The following CAMK4 variants were observed in gnomAD, a reference collection of about 807,000 sequenced individuals.
CAMK4 encodes the protein calcium/calmodulin-dependent protein kinase type IV.
CAMK4 carries 22 observed loss-of-function variants against 44.9 expected under a neutral mutation model. The observed-to-expected ratio is 0.49, with a 90% CI of 0.35 to 0.70. The LOEUF is 0.70. Among genes scored for constraint, CAMK4 ranks in the 30% least tolerant of loss-of-function variants. The pLI, the probability that CAMK4 is intolerant of heterozygous loss-of-function variation, is 0.01. For synonymous variants in CAMK4, 218 were observed against 215.4 expected (o/e 1.01, Z -0.11); for missense variants, 498 against 586.8 (o/e 0.85, Z 1.56).
At chr5:111,433,379 A>G (rs1012377287) in intron 5 of CAMK4, among the ~76,000 whole-genome samples, 1 of 152,198 alleles carries the variant, frequency 6.6e-6, no homozygotes, top group African/African-American at 2.4e-5. Flanking sequence ...TGATGAAACT[A>G]TGTTGCCCAG....
chr5:111,329,196 C>G (rs1749042001), intron 1 of CAMK4, among the ~76,000 whole-genome samples: 1 of 151,924 alleles, frequency 6.6e-6, no homozygotes, highest in Non-Finnish European at 1.5e-5. Flanking sequence ...GCTAAAACCT[C>G]TCAATAAATT....
At chr5:111,395,211 CAA>C (rs1175802762) in intron 5 of CAMK4, among the ~76,000 whole-genome samples, 3 of 90,676 alleles carry the variant, frequency 3.3e-5, no homozygotes, top group Non-Finnish European at 6.7e-5. Context: ...GACCCTGTCT[CAA>C]AAAAAAAAAA....
At chr5:111,239,682 A>C (rs915893480) in intron 1 of CAMK4, among the ~76,000 whole-genome samples, 3 of 152,204 alleles carry the variant, frequency 2.0e-5, no homozygotes, top group Non-Finnish European at 2.9e-5. Context: ...ATAATGATTA[A>C]ATGAGGTCAG....
At chr5:111,299,083 C>T (rs903935821) in intron 1 of CAMK4, among the ~76,000 whole-genome samples, 1 of 152,232 alleles carries the variant, frequency 6.6e-6, no homozygotes, top group Non-Finnish European at 1.5e-5. Context: ...GCCCTATAGG[C>T]ACATGTCCCT....
Position 111,228,434 on chromosome 5 carries a change from C to T in CAMK4, c.161+3790C>T, listed in dbSNP as rs190912412. On this transcript the variant is annotated intron_variant, in intron 1 of 10. Transcript: ENST00000282356. ...TTTTAAATACATTTATTTGTCAACT[C>T]AATTAAACTAATTATATAGGATCCC... 4.6e-5 allele frequency among the ~76,000 whole-genome samples: 7 copies of T among 151,614 alleles called. No individual in the cohort carries two copies. In the East Asian group the frequency reaches 7.7e-4, roughly 17 times the overall value.
chr5:111,449,491 A>G (rs991529757), intron 7 of CAMK4: 3 of 220,792 alleles, frequency 1.4e-5, no homozygotes, highest in Non-Finnish European at 2.6e-5. Context: ...AGGGCAAGGA[A>G]ACACCATCGT....
At chr5:111,240,506 C>A (rs540224723) in intron 1 of CAMK4, among the ~76,000 whole-genome samples, 1 of 152,286 alleles carries the variant, frequency 6.6e-6, no homozygotes, top group African/African-American at 2.4e-5. Context: ...TCTTACATTT[C>A]TTTTATAGCT....
chr5:111,365,680 C>T (rs1161848746), intron 2 of CAMK4, among the ~76,000 whole-genome samples: 3 of 152,018 alleles, frequency 2.0e-5, no homozygotes, highest in Non-Finnish European at 1.5e-5. Context: ...GTCTATCCTG[C>T]TTCCAGGTCT....
At chr5:111,480,750 A>G (rs773793697) in intron 9 of CAMK4, among the ~76,000 whole-genome samples, 3 of 152,296 alleles carry the variant, frequency 2.0e-5, no homozygotes, top group African/African-American at 4.8e-5. Context: ...ATTAAGGAAC[A>G]TAATATATGT....
chr5:111,341,315 A>G (rs1749633769), intron 1 of CAMK4, among the ~76,000 whole-genome samples: 1 of 151,144 alleles, frequency 6.6e-6, no homozygotes, highest in Non-Finnish European at 1.5e-5. Context: ...TTTTAAGAGA[A>G]ATTTTACAGT....
intron 2 of CAMK4, among the ~76,000 whole-genome samples, chr5:111,345,610 A>G (rs948161532): frequency 2.2e-4 from 34 of 152,004 alleles, no homozygotes; most frequent in Admixed American, 3.9e-4. Context: ...TTCATAGTTG[A>G]GGAAACTTTG....
At chr5:111,424,956 G>A (rs945054010) in intron 5 of CAMK4, among the ~76,000 whole-genome samples, 3 of 151,924 alleles carry the variant, frequency 2.0e-5, no homozygotes, top group Non-Finnish European at 2.9e-5. Context: ...CTGAGGTCAC[G>A]AGTTCAAGAC....
At chr5:111,459,736 C>A (rs1470237763) in intron 7 of CAMK4, among the ~76,000 whole-genome samples, 1 of 139,094 alleles carries the variant, frequency 7.2e-6, no homozygotes, top group African/African-American at 2.7e-5. Context: ...GCTGTGTCAC[C>A]CAGGCTGGAG....
Position 111,224,698 on chromosome 5 carries a change from C to G in CAMK4, c.161+54C>G. The G allele has an allele frequency of 6.5e-7, 1 of 1,544,342 alleles. No homozygotes were observed. The highest frequency in any genetic ancestry group is 8.8e-7 in the Non-Finnish European group (1 of 1,139,760). ...CCGCGGCGTGCACTGGGGGTTGTCC[C>G]TCTCGCAGCGACGGCTCGGAGGGTG... is the stretch of plus-strand genomic sequence containing the variant. On this transcript the variant is annotated intron_variant, in intron 1 of 10. Coordinates refer to ENST00000282356, the MANE Select transcript of CAMK4 (RefSeq NM_001744.6). This position sits in a 1 kb window ranked among gnomAD's most constrained non-coding sequence, Gnocchi z 5.7.
In CAMK4 at chr5:111,492,972, G is replaced by T. The variant is rs969965030; in HGVS notation, c.*8506G>T. ...GTGAAAGATGGGTGAATCTTTGCAG[G>T]TAGGGAAGAAGTAGGGGGCATGTCT... is the stretch of plus-strand genomic sequence containing the variant. On this transcript the variant is annotated 3_prime_UTR_variant, in exon 11 of 11. Coordinates refer to ENST00000282356, the MANE Select transcript of CAMK4 (RefSeq NM_001744.6). 2 of 152,234 alleles carry T rather than the reference G, an allele frequency of 1.3e-5. No individual in the cohort carries two copies. Among genetic ancestry groups the T allele is most frequent in the African/African-American group, 4.8e-5 (2 of 41,450 alleles). 9.4% of individuals were successfully genotyped at this position (152,234 alleles called of 1,614,324 possible).
intron 6 of CAMK4, among the ~76,000 whole-genome samples, chr5:111,447,166 C>A (rs112736777): frequency 6.6e-6 from 1 of 152,078 alleles, no homozygotes; most frequent in Non-Finnish European, 1.5e-5. Context: ...TAATAAAGAA[C>A]TTTGACATAA....
intron 1 of CAMK4, among the ~76,000 whole-genome samples, chr5:111,243,968 G>GT (rs906272106): frequency 2.0e-5 from 3 of 152,024 alleles, no homozygotes; most frequent in Non-Finnish European, 2.9e-5. Context: ...GTTTGTTTTT[G>GT]TTTTTTTAAT....
chr5:111,251,707 G>A (rs1052307413), intron 1 of CAMK4, among the ~76,000 whole-genome samples: 4 of 151,952 alleles, frequency 2.6e-5, no homozygotes, highest in African/African-American at 7.3e-5. Context: ...CCCTTTAAAG[G>A]CTTCTAAATA....
intron 2 of CAMK4, among the ~76,000 whole-genome samples, chr5:111,372,417 T>A (rs1751043901): frequency 6.6e-6 from 1 of 152,068 alleles, no homozygotes; most frequent in Non-Finnish European, 1.5e-5. Flanking sequence ...ATAATACTAT[T>A]TGAGATTAGA....
Sources: allele counts gnomAD v4.1 joint callset (sites outside exome capture counted in the v4.1 genomes callset), GRCh38; gene constraint gnomAD v4.1.1; non-coding constraint Gnocchi (gnomAD v3.1); transcripts MANE v1.5; gene names NCBI Gene and HGNC (gene_info 2026-07-23, HGNC 2026-07-21).